STK24: variants seen among roughly 807,000 people sequenced by gnomAD.
The protein encoded by STK24 is serine/threonine kinase 24.
STK24 carries 21 observed loss-of-function variants against 55.6 expected under a neutral mutation model. The observed-to-expected ratio is 0.38, with a 90% confidence interval of 0.27 to 0.54. STK24 has a LOEUF of 0.54. STK24 is among the 20% of genes least tolerant of loss of function. The pLI is 0.79. For synonymous variants in STK24, 200 were observed against 215.2 expected (o/e 0.93, Z 0.62); for missense variants, 383 against 538.4 (o/e 0.71, Z 2.86).
intron 5 of STK24, among the ~76,000 whole-genome samples, chr13:98,468,203 A>G (rs548875000): frequency 1.1e-4 from 17 of 152,362 alleles, no homozygotes; most frequent in Non-Finnish European, 2.2e-4. Context: ...CCTACGGCAT[A>G]TTCTATTTCC....
intron 1 of STK24, among the ~76,000 whole-genome samples, chr13:98,536,519 C>G (rs1245311602): frequency 6.6e-6 from 1 of 152,066 alleles, no homozygotes; most frequent in Non-Finnish European, 1.5e-5. Context: ...TGTGTGCCAC[C>G]ATGCCTGGCT....
intron 3 of STK24, among the ~76,000 whole-genome samples, chr13:98,478,402 G>A (rs147830569): frequency 3.7e-4 from 57 of 152,330 alleles, no homozygotes; most frequent in Non-Finnish European, 6.2e-4. Context: ...CTAAGACCTC[G>A]CCAGTGGGTC....
At chr13:98,480,164 T>A (rs1280963859) in intron 3 of STK24, among the ~76,000 whole-genome samples, 1 of 152,234 alleles carries the variant, frequency 6.6e-6, no homozygotes, top group South Asian at 2.1e-4. Context: ...CTATGTGGGA[T>A]TTTTTAAGTG....
chr13:98,501,375 G>A (rs1350229225), intron 2 of STK24, among the ~76,000 whole-genome samples: 2 of 152,182 alleles, frequency 1.3e-5, no homozygotes, highest in Non-Finnish European at 2.9e-5. Flanking sequence ...TGGGGCGGGG[G>A]CCAGGAGGGC....
At chr13:98,529,250 C>A (rs1896515572) in intron 1 of STK24, among the ~76,000 whole-genome samples, 1 of 152,106 alleles carries the variant, frequency 6.6e-6, no homozygotes, top group South Asian at 2.1e-4. Context: ...CTCTGCACCC[C>A]CATTCCTCTC....
At position 98,466,453 on chromosome 13, in the gene STK24, G is replaced by C. The variant is rs1334783577; in HGVS notation, c.706C>G (p.Pro236Ala). ...KVLFLIPKNN[P>A]PTLEGNYSKP... is the part of the protein sequence containing the mutation. ...CTGTAGTTTCCTTCCAACGTCGGTG[G>C]GTTGTTCTTTGGAATGAGGAATAAA... is the stretch of plus-strand genomic sequence containing the variant. Residue 236 changes from proline (P) to alanine (A), a missense_variant, in exon 6 of 11, where the codon CCA becomes GCA. Coordinates refer to ENST00000539966, the MANE Select transcript of STK24 (RefSeq NM_001032296.4). The C allele has an allele frequency of 6.2e-7, 1 of 1,614,020 alleles. No homozygotes were observed. Among genetic ancestry groups the C allele is most frequent in the East Asian group, 2.2e-5 (1 of 44,870 alleles).
intron 2 of STK24, among the ~76,000 whole-genome samples, chr13:98,503,041 T>TTTTTTTTTTTTTTTTTTC (rs1555306354): frequency 6.7e-6 from 1 of 148,716 alleles, no homozygotes; most frequent in African/African-American, 2.6e-5. Flanking sequence ...TTTTTTTTTT[T>TTTTTTTTTTTTTTTTTTC]CAGTATGGTA....
chr13:98,570,491 A>G (rs1897713674), intron 1 of STK24, among the ~76,000 whole-genome samples: 1 of 152,240 alleles, frequency 6.6e-6, no homozygotes, highest in Non-Finnish European at 1.5e-5. Flanking sequence ...GTACTTGGTA[A>G]GCATTAATTT....
chr13:98,460,214 T>TGCCTGAC (rs58298676), intron 9 of STK24, among the ~76,000 whole-genome samples, 158 bp downstream of exon 9: 119,684 of 151,488 alleles, frequency 0.79, 48,541 homozygotes, highest in Non-Finnish European at 0.91. Flanking sequence ...CGCAAGGTGG[T>TGCCTGAC]GCTGACAGCC....
intron 2 of STK24, among the ~76,000 whole-genome samples, chr13:98,492,308 G>A (rs1249424989): frequency 2.0e-5 from 3 of 152,150 alleles, no homozygotes; most frequent in African/African-American, 7.2e-5. Context: ...CTAGAAAGTG[G>A]GAGGGTGCAG....
In STK24 at chr13:98,506,123, G is replaced by A. The variant is rs765428364; in HGVS notation, c.273+13120C>T. 5.9e-5 allele frequency among the ~76,000 whole-genome samples: 9 copies of A among 152,154 alleles called. No homozygotes were observed. In the South Asian group the frequency reaches 1.9e-3, roughly 32 times the overall value. Reference sequence around the variant, plus strand: ...CGCCAAAACACCAATTAAGTTTTACGTCTAGTAGCTTTTCAAAAGGCAAAA... The same window carrying A: ...CGCCAAAACACCAATTAAGTTTTACATCTAGTAGCTTTTCAAAAGGCAAAA... On this transcript the variant is annotated intron_variant, in intron 2 of 10. Transcript: ENST00000539966.
intron 2 of STK24, among the ~76,000 whole-genome samples, chr13:98,483,178 C>A (rs1288467861): frequency 6.6e-6 from 1 of 152,242 alleles, no homozygotes; most frequent in East Asian, 1.9e-4. Flanking sequence ...GGTCTGGATC[C>A]CGACTCCCAC....
At chr13:98,541,801 C>G (rs1262447293) in intron 1 of STK24, among the ~76,000 whole-genome samples, 2 of 152,190 alleles carry the variant, frequency 1.3e-5, no homozygotes, top group Non-Finnish European at 2.9e-5. Flanking sequence ...TGTATTTTAT[C>G]TGCACATCTA....
At chr13:98,572,009 C>T (rs184688414) in intron 1 of STK24, among the ~76,000 whole-genome samples, 1 of 152,324 alleles carries the variant, frequency 6.6e-6, no homozygotes, top group African/African-American at 2.4e-5. Flanking sequence ...AGATGCAAGG[C>T]CTCCCCCAGG....
chr13:98,452,235 C>G lies in STK24; in HGVS notation c.*938G>C, dbSNP rs1316614325. The G allele has an allele frequency of 6.6e-6, 1 of 152,214 alleles. No homozygotes were observed. The highest frequency in any genetic ancestry group is 1.5e-5 in the Non-Finnish European group (1 of 68,038). 9.4% of individuals were successfully genotyped at this position (152,214 alleles called of 1,614,324 possible). On this transcript the variant is annotated 3_prime_UTR_variant, in exon 11 of 11. Transcript: ENST00000539966. ...GAAAGATGATATGCAGAATCCACTA[C>G]AAGGTGCAACAGAAAATCGTATTGG...
intron 2 of STK24, among the ~76,000 whole-genome samples, chr13:98,495,832 G>C (rs4772089): frequency 0.86 from 130,315 of 152,268 alleles, 56,100 homozygotes; most frequent in Non-Finnish European, 0.91. Context: ...TTGTTTCGTC[G>C]TTGCTGATGT....
intron 2 of STK24, among the ~76,000 whole-genome samples, chr13:98,495,061 G>T (rs1234615316): frequency 6.6e-6 from 1 of 152,190 alleles, no homozygotes; most frequent in Admixed American, 6.5e-5. Flanking sequence ...CAGCAAACCA[G>T]GTCCGATGTC....
intron 2 of STK24, among the ~76,000 whole-genome samples, chr13:98,492,010 A>G (rs1262247345): frequency 6.6e-6 from 1 of 152,172 alleles, no homozygotes; most frequent in East Asian, 1.9e-4. Flanking sequence ...AAGAAAGAAT[A>G]AAAACTATAG....
rs76766240 is a variant in STK24, at chr13:98,492,483, T to C, written c.274-10162A>G. ...GGTATTTAAATCTTTTTCAGCTCTT[T>C]TTCTCGAATACCACCGGCCCACCCC... is the stretch of plus-strand genomic sequence containing the variant. On this transcript the variant is annotated intron_variant, in intron 2 of 10. Transcript: ENST00000539966. Among the ~76,000 whole-genome samples the C allele has an allele frequency of 9.1e-3, 1,391 of 152,278 alleles. 19 individuals carry two copies. The highest frequency in any genetic ancestry group is 0.031 in the African/African-American group (1,269 of 41,550).
Sources: gnomAD v4.1 joint callset for allele counts (sites outside exome capture counted in the v4.1 genomes callset) on GRCh38, gnomAD v4.1.1 for gene constraint, MANE v1.5 for transcripts, NCBI Gene and HGNC (gene_info 2026-07-23, HGNC 2026-07-21) for gene names.